The following IL1RL2 variants were observed in gnomAD, a reference collection of about 807,000 sequenced individuals.
IL1RL2 encodes the protein interleukin-1 receptor-like 2.
In IL1RL2, 68 loss-of-function variants were observed where a neutral mutation model predicts 66.8. The ratio of observed to expected loss-of-function variants is 1.02; its 90% confidence interval spans 0.84 to 1.25. IL1RL2 has a LOEUF of 1.25. Ranked by LOEUF, IL1RL2 falls within the 50% of genes most tolerant of loss-of-function variation. IL1RL2 has a pLI of 0.00. For synonymous variants in IL1RL2, 305 were observed against 264.6 expected, an observed-to-expected ratio of 1.15 and a Z score of -1.48; for missense variants, 729 against 709.3, an observed-to-expected ratio of 1.03 and a Z score of -0.32.
At chr2:102,240,456 C>G (rs1675200944), downstream of IL1RL2, among the ~76,000 whole-genome samples, 3 of 138,294 alleles carry the variant, frequency 2.2e-5, no homozygotes, top group South Asian at 7.0e-4. Context: ...CCGGTCAAGG[C>G]TTTCATATTT....
intron 4 of IL1RL2, among the ~76,000 whole-genome samples, chr2:102,192,771 T>C (rs921082358): frequency 6.6e-6 from 1 of 152,212 alleles, no homozygotes; most frequent in South Asian, 2.1e-4. Flanking sequence ...TTCCTGCTTG[T>C]TAACGCCTGC....
intron 8 of IL1RL2, among the ~76,000 whole-genome samples, chr2:102,222,473 C>T (rs568502701): frequency 2.6e-5 from 4 of 152,196 alleles, no homozygotes; most frequent in East Asian, 1.9e-4. Flanking sequence ...TGTGATTCAC[C>T]GATATTTACT....
At chr2:102,190,289 C>T (rs924465620) in intron 3 of IL1RL2, among the ~76,000 whole-genome samples, 1 of 152,220 alleles carries the variant, frequency 6.6e-6, no homozygotes, top group East Asian at 1.9e-4. Context: ...TAAAACACAT[C>T]TGTAGAACAA....
At chr2:102,223,263 T>C (rs1234491721) in intron 8 of IL1RL2, among the ~76,000 whole-genome samples, 1 of 152,240 alleles carries the variant, frequency 6.6e-6, no homozygotes, top group Non-Finnish European at 1.5e-5. Context: ...GGGACAGAGC[T>C]AAGGTTATAG....
At chr2:102,191,285 A>G (rs893249628) in intron 3 of IL1RL2, among the ~76,000 whole-genome samples, 1 of 152,108 alleles carries the variant, frequency 6.6e-6, no homozygotes, top group Non-Finnish European at 1.5e-5. Flanking sequence ...ATGTATATTT[A>G]TTTATTTCTT....
At chr2:102,234,196 C>T (rs1392316975) in intron 10 of IL1RL2, among the ~76,000 whole-genome samples, 2 of 152,202 alleles carry the variant, frequency 1.3e-5, no homozygotes, top group East Asian at 3.8e-4. Flanking sequence ...AAGATTAATG[C>T]AACATTTCAG....
At chr2:102,223,833 A>G (rs1409884889) in intron 8 of IL1RL2, among the ~76,000 whole-genome samples, 2 of 152,186 alleles carry the variant, frequency 1.3e-5, no homozygotes, top group Non-Finnish European at 2.9e-5. Context: ...AAAGAATTAT[A>G]ACAAAGGGCA....
intron 7 of IL1RL2, among the ~76,000 whole-genome samples, 177 bp from the exon 8 acceptor site, chr2:102,219,704 C>A (rs2094462202): frequency 6.6e-6 from 1 of 152,094 alleles, no homozygotes; most frequent in African/African-American, 2.4e-5. Flanking sequence ...GAAGAAAATG[C>A]AAATTTGGGA....
intron 6 of IL1RL2, among the ~76,000 whole-genome samples, chr2:102,213,373 A>G (rs893622033): frequency 3.9e-5 from 6 of 152,204 alleles, no homozygotes; most frequent in Admixed American, 3.3e-4. Context: ...TTATATCTAA[A>G]CCAAAACAAT....
Position 102,191,929 on chromosome 2 carries a change from AGAGACAG to A in IL1RL2, c.299_305del (p.Arg100ThrfsTer7). 6.3e-7 allele frequency: 1 copy of A among 1,597,038 alleles called. No homozygotes were observed. The highest frequency in any genetic ancestry group is 8.6e-7 in the Non-Finnish European group (1 of 1,167,654). On this transcript the variant is annotated frameshift_variant, in exon 4 of 12. Transcript: ENST00000264257. LOFTEE classifies it high-confidence loss of function. The stretch of plus-strand genomic sequence containing the variant: ...AGGTCTCAATCTGTCTTACAGGGGT[AGAGACAG>A]CTGTCATAGAATACATGTAAACCTA...
intron 1 of IL1RL2, chr2:102,187,375 G>A: frequency 8.7e-7 from 1 of 1,152,070 alleles, no homozygotes; most frequent in Non-Finnish European, 1.1e-6. Context: ...CCAGTGAGCG[G>A]GTGTTTGGGG....
At chr2:102,213,909 C>T (rs1689390686) in intron 6 of IL1RL2, among the ~76,000 whole-genome samples, 1 of 152,048 alleles carries the variant, frequency 6.6e-6, no homozygotes, top group African/African-American at 2.4e-5. Context: ...ATCTAATCCC[C>T]AAAGTGCAGA....
chr2:102,192,785 C>T (rs138849553), intron 4 of IL1RL2, among the ~76,000 whole-genome samples: 88 of 152,306 alleles, frequency 5.8e-4, no homozygotes, highest in South Asian at 1.4e-3. Context: ...CGCCTGCCAG[C>T]ACACCCCTCT....
At chr2:102,212,661 T>C (rs1689273110) in intron 6 of IL1RL2, among the ~76,000 whole-genome samples, 1 of 152,156 alleles carries the variant, frequency 6.6e-6, no homozygotes, top group Non-Finnish European at 1.5e-5. Flanking sequence ...TCAAATTACT[T>C]TTTAAATTAA....
Position 102,233,229 on chromosome 2 carries a change from A to T in IL1RL2, c.1297+105A>T, listed in dbSNP as rs763955022. On this transcript the variant is annotated intron_variant, in intron 10 of 11. Transcript: ENST00000264257. The stretch of plus-strand genomic sequence containing the variant: ...GTGACTCTGCCTGCCTTCCCCATGG[A>T]ACCACAGAGAGTCTATGACCAGCGC... 40 of 1,118,560 alleles carry T rather than the reference A, an allele frequency of 3.6e-5. No homozygotes were observed. In the Middle Eastern group the frequency reaches 7.9e-4, roughly 22 times the overall value. The allele number at this position is 1,118,560 out of a possible 1,614,324, so 69.3% of individuals were successfully genotyped here.
intron 9 of IL1RL2, among the ~76,000 whole-genome samples, chr2:102,227,944 A>G (rs1690775871): frequency 6.6e-6 from 1 of 152,012 alleles, no homozygotes; most frequent in South Asian, 2.1e-4. Flanking sequence ...TTTAGCAGGA[A>G]GAGAAAACAG....
Position 102,225,993 on chromosome 2 carries a change from A to G in IL1RL2, c.1087A>G (p.Ile363Val). 1.2e-6 allele frequency: 2 copies of G among 1,607,656 alleles called. No individual in the cohort carries two copies. The highest frequency in any genetic ancestry group is 1.7e-6 in the Non-Finnish European group (2 of 1,176,884). Reference sequence around the variant, plus strand: ...CATATACAACATTTTTAAGATCGACATTGTTCTTTGGTATCGAAGTGCCTT... The same window carrying G: ...CATATACAACATTTTTAAGATCGACGTTGTTCTTTGGTATCGAAGTGCCTT... Reference protein sequence around the residue: ...VYIYNIFKIDIVLWYRSAFHS... With the variant: ...VYIYNIFKIDVVLWYRSAFHS... The change falls in exon 9 of 12, where the codon ATT becomes GTT. Residue 363 changes from isoleucine to valine, a missense_variant. Coordinates refer to ENST00000264257, the MANE Select transcript of IL1RL2 (RefSeq NM_003854.4).
At chr2:102,215,396 T>C (rs892667654) in intron 6 of IL1RL2, among the ~76,000 whole-genome samples, 1 of 152,052 alleles carries the variant, frequency 6.6e-6, no homozygotes, top group Admixed American at 6.6e-5. Context: ...AACTCCAAAA[T>C]CCTGGTTACT....
intron 5 of IL1RL2, among the ~76,000 whole-genome samples, chr2:102,207,112 C>G (rs1024989884): frequency 1.3e-5 from 2 of 152,156 alleles, no homozygotes; most frequent in African/African-American, 2.4e-5. Context: ...GTGGCAAATG[C>G]TGCCTTCCTG....
Sources: gnomAD v4.1 joint callset for allele counts (sites outside exome capture counted in the v4.1 genomes callset) on GRCh38, gnomAD v4.1.1 for gene constraint, MANE v1.5 for transcripts, NCBI Gene and HGNC (gene_info 2026-07-23, HGNC 2026-07-21) for gene names.